Variants in HRH4 observed in about 807,000 individuals in gnomAD.
HRH4 encodes histamine receptor H4.
HRH4 carries 12 observed loss-of-function variants against 10.4 expected under a neutral mutation model. The ratio of observed to expected loss-of-function variants is 1.15; its 90% CI spans 0.74 to 1.87. HRH4 has a LOEUF of 1.87. Among genes scored for constraint, HRH4 ranks in the 40% most tolerant of loss-of-function variants. The probability of loss-of-function intolerance (pLI) is 0.00; values close to 1 mark genes in which losing one functional copy is unlikely to be tolerated. For missense variants in HRH4, 415 were observed against 453.3 expected (o/e 0.92, Z 0.77); for synonymous variants, 154 against 166.6 (o/e 0.92, Z 0.58).
In HRH4 at chr18:24,465,654, C is replaced by T. The variant is rs372817684; in HGVS notation, c.194-3134C>T. Among the ~76,000 whole-genome samples the T allele has an allele frequency of 7.0e-4, 106 of 152,110 alleles. 1 individual carries two copies. The highest frequency in any genetic ancestry group is 3.4e-3 in the Middle Eastern group (1 of 294). ...GTTCAGATTCCGTTTTTTTGCAACTCGTTCGGAACGAGCCACAGACATCTC... is the reference window on the plus strand; with the variant it reads ...GTTCAGATTCCGTTTTTTTGCAACTTGTTCGGAACGAGCCACAGACATCTC... On this transcript the variant is annotated intron_variant, in intron 1 of 2. Coordinates refer to ENST00000256906, the MANE Select transcript of HRH4 (RefSeq NM_021624.4).
chr18:24,478,862 A>C lies in HRH4; in HGVS notation c.*1300A>C, dbSNP rs1426890204. On this transcript the variant is annotated 3_prime_UTR_variant, in exon 3 of 3. Transcript: ENST00000256906. Reference sequence around the variant, plus strand: ...TAATTAAAAAATTATTTCTGTAGAGATGAAGTCTCACTGTGTTGCCCAGCC... The same window carrying C: ...TAATTAAAAAATTATTTCTGTAGAGCTGAAGTCTCACTGTGTTGCCCAGCC... The C allele has an allele frequency of 6.6e-6, 1 of 151,934 alleles. No individual in the cohort carries two copies. The allele number at this position is 151,934 out of a possible 1,614,324, so 9.4% of individuals were successfully genotyped here.
At position 24,477,213 on chromosome 18, in the gene HRH4, A is replaced by C; in HGVS notation, c.824A>C (p.Lys275Thr). 1 of 1,614,222 alleles carries C rather than the reference A, an allele frequency of 6.2e-7. No individual in the cohort carries two copies. The change falls in exon 3 of 3, where the codon AAA becomes ACA. Residue 275 changes from lysine to threonine, a missense_variant. Lys to Thr is a moderately conservative substitution (Grantham distance 78). Coordinates refer to ENST00000256906, the MANE Select transcript of HRH4 (RefSeq NM_021624.4). Reference sequence around the variant, plus strand: ...ATGAATAGCAATACAATTGCTTCCAAAATGGGTTCCTTCTCCCAATCAGAT... The same window carrying C: ...ATGAATAGCAATACAATTGCTTCCACAATGGGTTCCTTCTCCCAATCAGAT... ...TKMNSNTIAS[K>T]MGSFSQSDSV... is the part of the protein sequence containing the mutation.
In HRH4 at chr18:24,469,795, G is replaced by A. The variant is rs1205794245; in HGVS notation, c.357+844G>A. Among the ~76,000 whole-genome samples the A allele has an allele frequency of 2.0e-5, 3 of 152,108 alleles. No homozygotes were observed. The South Asian group carries it at 6.2e-4, about 32-fold the overall frequency. On this transcript the variant is annotated intron_variant, in intron 2 of 2. Coordinates refer to ENST00000256906, the MANE Select transcript of HRH4 (RefSeq NM_021624.4). ...TGTTTTGGCCTCAGGGGGTATGTGT[G>A]CAGGTTTTTTTACATGAGTAAGCTG...
At chr18:24,476,686 AGATACT>A in intron 2 of HRH4, 55 bp from the exon 3 acceptor site, 2 of 1,246,392 alleles carry the variant, frequency 1.6e-6, no homozygotes, top group Non-Finnish European at 1.1e-6. Context: ...AGGATCTATG[AGATACT>A]TTATGCATTC....
At chr18:24,471,013 T>C (rs575325617) in intron 2 of HRH4, among the ~76,000 whole-genome samples, 1 of 151,514 alleles carries the variant, frequency 6.6e-6, no homozygotes, top group Admixed American at 6.6e-5. Flanking sequence ...CATGGTCCCA[T>C]CTCGCCACAA....
rs753364037 is a variant in HRH4 at position 24,477,125 on chromosome 18, G to A, written c.736G>A (p.Ala246Thr). The A allele has an allele frequency of 4.3e-6, 7 of 1,614,200 alleles. No individual in the cohort carries two copies. The Admixed American group carries it at 8.3e-5, about 19-fold the overall frequency. The change falls in exon 3 of 3, where the codon GCA becomes ACA. Residue 246 changes from alanine (A) to threonine (T), a missense_variant. Physicochemically the swap from Ala to Thr is moderately conservative, Grantham distance 58 (BLOSUM62 0). Coordinates refer to ENST00000256906, the MANE Select transcript of HRH4 (RefSeq NM_021624.4). ...RSLSASTEVP[A>T]SFHSERQRRK... is the part of the protein sequence containing the mutation. Reference sequence around the variant, plus strand: ...TCTTTCTGCATCGACAGAAGTTCCTGCATCCTTTCATTCAGAGAGACAGAG... The same window carrying A: ...TCTTTCTGCATCGACAGAAGTTCCTACATCCTTTCATTCAGAGAGACAGAG...
At chr18:24,472,868 A>G (rs1910011079) in intron 2 of HRH4, among the ~76,000 whole-genome samples, 1 of 152,144 alleles carries the variant, frequency 6.6e-6, no homozygotes, top group African/African-American at 2.4e-5. Context: ...AAAATGTACA[A>G]AAAGGGTTTG....
rs1910215775 is a variant in HRH4 at position 24,478,674 on chromosome 18, A to C, written c.*1112A>C. 6.6e-6 allele frequency: 1 copy of C among 152,196 alleles called. No homozygotes were observed. Among genetic ancestry groups the C allele is most frequent in the South Asian group, 2.1e-4 (1 of 4,812 alleles). 9.4% of individuals were successfully genotyped at this position (152,196 alleles called of 1,614,324 possible). A position where few individuals can be genotyped will look rare whatever the true frequency, so the allele number is the denominator to read the frequency against. On this transcript the variant is annotated 3_prime_UTR_variant, in exon 3 of 3. Transcript: ENST00000256906. ...GAACAAGACTCTGTCTAAAAAGAAAAAAAAATTTTTTTGTTTAAGACAGCA... is the reference window on the plus strand; with the variant it reads ...GAACAAGACTCTGTCTAAAAAGAAACAAAAATTTTTTTGTTTAAGACAGCA...
Position 24,477,562 on chromosome 18 carries a change from A to T in HRH4, c.1173A>T (p.Ter391TyrextTer10). 16 of 1,549,654 alleles carry T rather than the reference A, an allele frequency of 1.0e-5. No homozygotes were observed. The highest frequency in any genetic ancestry group is 1.4e-5 in the Non-Finnish European group (16 of 1,150,726). ...AACACAGTCGGTCAGTATCTTCTTA[A>T]AGACAATTTTCTCACCTCTGTAAAT... ...PSQHSRSVSS[*>Y] The change falls in exon 3 of 3, where the codon TAA (stop) becomes TAT (tyrosine). Residue 391 changes from the stop codon to tyrosine (Y), a stop_lost. Transcript: ENST00000256906.
At chr18:24,474,696 A>ATT (rs36039916) in intron 2 of HRH4, among the ~76,000 whole-genome samples, 2,997 of 146,580 alleles carry the variant, frequency 0.02, 101 homozygotes, top group African/African-American at 0.066. Flanking sequence ...AACCTTACTG[A>ATT]TTTTTTTTTT....
Position 24,479,763 on chromosome 18 carries a change from T to C in HRH4, c.*2201T>C, listed in dbSNP as rs372852886. The stretch of plus-strand genomic sequence containing the variant: ...TTGCAGTTCTTACACCGTTTGGTGA[T>C]TTTCATGTTTCTTAGAAACTTTAAA... On this transcript the variant is annotated 3_prime_UTR_variant, in exon 3 of 3. Coordinates refer to ENST00000256906, the MANE Select transcript of HRH4 (RefSeq NM_021624.4). 9.8e-5 allele frequency: 15 copies of C among 152,358 alleles called. No individual in the cohort carries two copies. Among genetic ancestry groups the C allele is most frequent in the Admixed American group, 7.2e-4 (11 of 15,298 alleles). The allele number at this position is 152,358 out of a possible 1,614,324, so 9.4% of individuals were successfully genotyped here. A position where few individuals can be genotyped will look rare whatever the true frequency, so the allele number is the denominator to read the frequency against.
Position 24,477,097 on chromosome 18 carries a change from A to T in HRH4, c.708A>T (p.Arg236Ser). The T allele has an allele frequency of 6.2e-7, 1 of 1,614,202 alleles. No individual in the cohort carries two copies. The highest frequency in any genetic ancestry group is 2.2e-5 in the East Asian group (1 of 44,890). The change falls in exon 3 of 3, where the codon AGA becomes AGT. Residue 236 changes from arginine (R) to serine (S), a missense_variant. Coordinates refer to ENST00000256906, the MANE Select transcript of HRH4 (RefSeq NM_021624.4). Reference sequence around the variant, plus strand: ...TCAGAGGTAGACTATCTTCAAGGAGATCTCTTTCTGCATCGACAGAAGTTC... The same window carrying T: ...TCAGAGGTAGACTATCTTCAAGGAGTTCTCTTTCTGCATCGACAGAAGTTC... ...HSFRGRLSSR[R>S]SLSASTEVPA...
rs1910141418 is a variant in HRH4, at chr18:24,476,755, T to C, written c.366T>C (p.Tyr122=). ...AATTTGGTTTCTTCTAGGTGTCTTA[T>C]AGAACTCAACATACTGGGGTCTTGA... The part of the protein sequence containing the change: ...RYLSVSNAVS[Y]RTQHTGVLKI... Residue 122 remains tyrosine, a synonymous_variant, in exon 3 of 3, where the codon TAT becomes TAC. Coordinates refer to ENST00000256906, the MANE Select transcript of HRH4 (RefSeq NM_021624.4). 6.2e-7 allele frequency: 1 copy of C among 1,612,860 alleles called. No individual in the cohort carries two copies. Among genetic ancestry groups the C allele is most frequent in the Non-Finnish European group, 8.5e-7 (1 of 1,179,256 alleles).
At chr18:24,470,493 G>A (rs1442966554) in intron 2 of HRH4, among the ~76,000 whole-genome samples, 1 of 89,906 alleles carries the variant, frequency 1.1e-5, no homozygotes, top group African/African-American at 4.6e-5. Flanking sequence ...GGCCACATTT[G>A]TTTCTCTATT....
chr18:24,477,287 A>G lies in HRH4; in HGVS notation c.898A>G (p.Arg300Gly). 6.2e-7 allele frequency: 1 copy of G among 1,614,182 alleles called. No individual in the cohort carries two copies. Residue 300 changes from arginine to glycine, a missense_variant, in exon 3 of 3, where the codon AGA becomes GGA. Arg to Gly is a moderately radical substitution (Grantham distance 125). Coordinates refer to ENST00000256906, the MANE Select transcript of HRH4 (RefSeq NM_021624.4). ...ACATGTTGAACTGCTTAGAGCCAGG[A>G]GATTAGCCAAGTCACTGGCCATTCT... The part of the protein sequence containing the change: ...REHVELLRAR[R>G]LAKSLAILLG...
intron 2 of HRH4, among the ~76,000 whole-genome samples, chr18:24,470,432 A>T (rs1290897898): frequency 6.6e-6 from 1 of 151,832 alleles, no homozygotes; most frequent in East Asian, 1.9e-4. Flanking sequence ...TATATACAAA[A>T]GTGTACTTGG....
intron 2 of HRH4, among the ~76,000 whole-genome samples, chr18:24,471,667 C>T (rs1404482072): frequency 7.8e-6 from 1 of 128,388 alleles, no homozygotes; most frequent in Non-Finnish European, 1.7e-5. Flanking sequence ...AAATTAGAAA[C>T]CTTCAGATTA....
Position 24,477,071 on chromosome 18 carries a change from T to C in HRH4, c.682T>C (p.Phe228Leu), listed in dbSNP as rs760988839. ...AVSSNICGHS[F>L]RGRLSSRRSL... ...CTCTTCCAACATCTGTGGACACTCA[T>C]TCAGAGGTAGACTATCTTCAAGGAG... Residue 228 changes from phenylalanine (F) to leucine (L), a missense_variant, in exon 3 of 3, where the codon TTC becomes CTC. Phe to Leu is a conservative substitution (Grantham distance 22). Transcript: ENST00000256906. 4.3e-6 allele frequency: 7 copies of C among 1,614,222 alleles called. 1 individual carries two copies. In the South Asian group the frequency reaches 6.6e-5, roughly 15 times the overall value.
intron 1 of HRH4, among the ~76,000 whole-genome samples, chr18:24,463,874 A>G (rs936157123): frequency 2.0e-5 from 3 of 152,198 alleles, no homozygotes; most frequent in Non-Finnish European, 4.4e-5. Context: ...GAAACATACT[A>G]TCTATATCTA....
Sources: allele counts gnomAD v4.1 joint callset (sites outside exome capture counted in the v4.1 genomes callset), GRCh38; gene constraint gnomAD v4.1.1; transcripts MANE v1.5; gene names NCBI Gene and HGNC (gene_info 2026-07-23, HGNC 2026-07-21).